The following DLG2 variants were observed in gnomAD, a reference collection of about 807,000 sequenced individuals.
DLG2 encodes disks large homolog 2.
Under a neutral mutation model 132.5 loss-of-function variants are expected in DLG2, and 45 were observed. That is an observed-to-expected ratio of 0.34 (90% CI 0.27 to 0.44). The LOEUF (loss-of-function observed/expected upper bound fraction) is 0.44. Ranked by LOEUF, DLG2 falls within the 20% of genes least tolerant of loss-of-function variation. DLG2 has a pLI of 1.00. For missense variants in DLG2, 1,045 were observed against 1,196.9 expected (o/e 0.87, Z 1.87); for synonymous variants, 424 against 419.6 (o/e 1.01, Z -0.13).
intron 3 of DLG2, among the ~76,000 whole-genome samples, chr11:85,308,662 C>T (rs189997848): frequency 1.3e-5 from 2 of 152,128 alleles, no homozygotes; most frequent in Non-Finnish European, 2.9e-5. Context: ...ACACATCTGT[C>T]TAAATAACCC....
At chr11:84,404,064 T>C (rs1289105114) in intron 7 of DLG2, among the ~76,000 whole-genome samples, 1 of 152,146 alleles carries the variant, frequency 6.6e-6, no homozygotes, top group East Asian at 1.9e-4. Context: ...AAATTTCAAA[T>C]TGTATTATTG....
intron 6 of DLG2, among the ~76,000 whole-genome samples, chr11:85,110,666 AG>A (rs1213500121): frequency 1.3e-5 from 2 of 152,072 alleles, no homozygotes; most frequent in Non-Finnish European, 2.9e-5. Context: ...TGAGGAAAAA[AG>A]CTTAATCTCT....
intron 19 of DLG2, among the ~76,000 whole-genome samples, chr11:83,553,586 C>T (rs2096447970): frequency 6.6e-6 from 1 of 151,412 alleles, no homozygotes; most frequent in Admixed American, 6.6e-5. Flanking sequence ...ATCACCTCAT[C>T]ATTCTCTTCT....
chr11:84,443,513 T>C (rs1379119544), intron 7 of DLG2, among the ~76,000 whole-genome samples: 2 of 152,170 alleles, frequency 1.3e-5, no homozygotes, highest in Non-Finnish European at 2.9e-5. Flanking sequence ...TATTAGTAAT[T>C]TAAATGAGTA....
chr11:84,572,804 A>C (rs1036901401), intron 6 of DLG2, among the ~76,000 whole-genome samples: 1 of 152,044 alleles, frequency 6.6e-6, no homozygotes, highest in African/African-American at 2.4e-5. Context: ...TAAATTCCCC[A>C]ATCTCAGTGT....
intron 9 of DLG2, among the ~76,000 whole-genome samples, chr11:84,163,071 A>G (rs1209807323): frequency 2.6e-5 from 4 of 152,164 alleles, no homozygotes; most frequent in Admixed American, 2.6e-4. Flanking sequence ...AAACTAAGTA[A>G]GAAACACATG....
intron 3 of DLG2, among the ~76,000 whole-genome samples, chr11:85,473,275 C>A (rs2093042574): frequency 6.6e-6 from 1 of 152,210 alleles, no homozygotes; most frequent in Non-Finnish European, 1.5e-5. Context: ...TGAGCAGAGG[C>A]ACCATTGGCC....
Position 83,458,661 on chromosome 11 carries a change from A to G in DLG2, c.*1157T>C, listed in dbSNP as rs1385398279. 1 of 152,218 alleles carries G rather than the reference A, an allele frequency of 6.6e-6. No homozygotes were observed. Among genetic ancestry groups the G allele is most frequent in the Non-Finnish European group, 1.5e-5 (1 of 68,032 alleles). 9.4% of individuals were successfully genotyped at this position (152,218 alleles called of 1,614,324 possible). On this transcript the variant is annotated 3_prime_UTR_variant, in exon 28 of 28. Transcript: ENST00000376104. ...CAAAATGCTAAATGGTCCTTTAAGA[A>G]TTGTATGTCAGTAACTAGGAACAAA...
At chr11:84,920,127 A>G (rs1396291043) in intron 6 of DLG2, among the ~76,000 whole-genome samples, 3 of 152,232 alleles carry the variant, frequency 2.0e-5, no homozygotes, top group African/African-American at 7.2e-5. Context: ...GTAGCAAAGT[A>G]AAACAATTTA....
At chr11:83,775,921 T>A (rs921048447) in intron 18 of DLG2, among the ~76,000 whole-genome samples, 1 of 151,944 alleles carries the variant, frequency 6.6e-6, no homozygotes, top group African/African-American at 2.4e-5. Flanking sequence ...TGAAACCTCG[T>A]CTCTACTAAA....
intron 6 of DLG2, among the ~76,000 whole-genome samples, chr11:84,856,486 T>C (rs2082807169): frequency 6.6e-6 from 1 of 152,124 alleles, no homozygotes; most frequent in African/African-American, 2.4e-5. Flanking sequence ...AGCTATAAAC[T>C]ACCACTGTGT....
chr11:83,615,846 A>G (rs754170008), intron 19 of DLG2, among the ~76,000 whole-genome samples: 1 of 152,256 alleles, frequency 6.6e-6, no homozygotes, highest in Non-Finnish European at 1.5e-5. Context: ...ATAAACTTCC[A>G]GAAAGAAACA....
At chr11:84,595,393 A>G (rs939837087) in intron 6 of DLG2, among the ~76,000 whole-genome samples, 42 of 152,102 alleles carry the variant, frequency 2.8e-4, no homozygotes, top group African/African-American at 8.7e-4. Context: ...GATTACAGGC[A>G]TGAGCCACTG....
chr11:84,629,640 G>A (rs1381699799), intron 6 of DLG2, among the ~76,000 whole-genome samples: 1 of 152,140 alleles, frequency 6.6e-6, no homozygotes, highest in East Asian at 1.9e-4. Context: ...TATTTTTTCA[G>A]AAGAGATACC....
At chr11:84,770,019 T>C (rs146452174) in intron 6 of DLG2, among the ~76,000 whole-genome samples, 12 of 152,248 alleles carry the variant, frequency 7.9e-5, no homozygotes, top group African/African-American at 2.4e-4. Flanking sequence ...TAGTCACCAA[T>C]GTTGGAGATG....
intron 7 of DLG2, among the ~76,000 whole-genome samples, chr11:84,429,411 A>T (rs2098977265): frequency 6.6e-6 from 1 of 152,180 alleles, no homozygotes; most frequent in Admixed American, 6.6e-5. Context: ...GGGCAGAGCC[A>T]GTTAACACCC....
intron 3 of DLG2, among the ~76,000 whole-genome samples, chr11:85,544,017 G>A (rs1417170874): frequency 6.6e-6 from 1 of 152,108 alleles, no homozygotes; most frequent in Non-Finnish European, 1.5e-5. Flanking sequence ...GTCAATTTTG[G>A]CTTTAGTTGC....
intron 5 of DLG2, among the ~76,000 whole-genome samples, chr11:85,112,683 T>C (rs2072964668): frequency 6.6e-6 from 1 of 152,054 alleles, no homozygotes; most frequent in African/African-American, 2.4e-5. Flanking sequence ...AGTATTATGC[T>C]CACTTTCTAG....
chr11:83,912,213 T>A (rs1213114408), intron 15 of DLG2, among the ~76,000 whole-genome samples: 3 of 152,114 alleles, frequency 2.0e-5, no homozygotes, highest in Non-Finnish European at 4.4e-5. Flanking sequence ...ACATATGTGA[T>A]GTCAGGGACA....
Sources: gnomAD v4.1 joint callset for allele counts (sites outside exome capture counted in the v4.1 genomes callset) on GRCh38, gnomAD v4.1.1 for gene constraint, MANE v1.5 for transcripts, NCBI Gene and HGNC (gene_info 2026-07-23, HGNC 2026-07-21) for gene names.